The following PLOD2 variants were observed in gnomAD, a reference collection of about 807,000 sequenced individuals.
PLOD2 encodes the protein lysine hydroxylase 2.
In PLOD2, 65 loss-of-function variants were observed where a neutral mutation model predicts 101.0. The ratio of observed to expected loss-of-function variants is 0.64; its 90% CI spans 0.53 to 0.79. The LOEUF (loss-of-function observed/expected upper bound fraction) is 0.79. Among genes scored for constraint, PLOD2 ranks in the 30% least tolerant of loss-of-function variants. PLOD2 has a pLI of 0.00. For synonymous variants in PLOD2, 314 were observed against 302.9 expected, an observed-to-expected ratio of 1.04 and a Z score of -0.38; for missense variants, 909 against 914.6, an observed-to-expected ratio of 0.99 and a Z score of 0.08.
intron 1 of PLOD2, among the ~76,000 whole-genome samples, chr3:146,155,080 C>T (rs1227671097): frequency 2.6e-5 from 4 of 152,114 alleles, no homozygotes; most frequent in Non-Finnish European, 5.9e-5. Context: ...GTGACACAGT[C>T]GGGCAGTAAT....
At chr3:146,092,005 AT>A in intron 7 of PLOD2, 104 bp from the exon 8 acceptor site, 1 of 703,126 alleles carries the variant, frequency 1.4e-6, no homozygotes, top group Admixed American at 2.0e-5. Context: ...CAGCAGGTAT[AT>A]TCCTTTAGTA....
At chr3:146,073,897 T>C (rs1474714316) in intron 15 of PLOD2, among the ~76,000 whole-genome samples, 2 of 151,650 alleles carry the variant, frequency 1.3e-5, no homozygotes, top group Non-Finnish European at 3.0e-5. Context: ...TATATGTCTA[T>C]AGTAAATTAC....
chr3:146,102,894 CGTGTGTGTGTGTCT>C, intron 6 of PLOD2, 42 bp from the exon 7 acceptor site: 1 of 1,024,100 alleles, frequency 9.8e-7, no homozygotes, highest in Non-Finnish European at 1.5e-6. Flanking sequence ...ATTTAAAATA[CGTGTGTGTGTGTCT>C]GTATTCGTGT....
chr3:146,071,856 A>G (rs1374249726), intron 17 of PLOD2, among the ~76,000 whole-genome samples: 1 of 151,510 alleles, frequency 6.6e-6, no homozygotes, highest in African/African-American at 2.4e-5. Flanking sequence ...CCTCACTTCT[A>G]TTTGTAACAC....
At chr3:146,092,337 G>C (rs746437617) in intron 7 of PLOD2, among the ~76,000 whole-genome samples, 6 of 152,008 alleles carry the variant, frequency 3.9e-5, no homozygotes, top group Non-Finnish European at 8.8e-5. Flanking sequence ...TGGGGCAGTA[G>C]TAATGTGACC....
At chr3:146,089,509 A>G (rs552159429) in intron 8 of PLOD2, among the ~76,000 whole-genome samples, 1 of 151,748 alleles carries the variant, frequency 6.6e-6, no homozygotes, top group African/African-American at 2.4e-5. Context: ...CTTGTTTATA[A>G]TGTCTTACTA....
intron 1 of PLOD2, among the ~76,000 whole-genome samples, chr3:146,158,962 T>G (rs1470594386): frequency 6.6e-6 from 1 of 152,200 alleles, no homozygotes; most frequent in African/African-American, 2.4e-5. Context: ...ACGAATAAGC[T>G]TCTATTTAGT....
At chr3:146,088,515 T>C (rs1936862371) in intron 9 of PLOD2, 71 bp downstream of exon 9, 1 of 1,092,370 alleles carries the variant, frequency 9.2e-7, no homozygotes, top group Non-Finnish European at 1.4e-6. Flanking sequence ...TTATTTGACA[T>C]AAATAACAAA....
chr3:146,149,484 T>C (rs1050974590), intron 1 of PLOD2, among the ~76,000 whole-genome samples: 2 of 152,160 alleles, frequency 1.3e-5, no homozygotes, highest in Admixed American at 6.5e-5. Flanking sequence ...CCATAACCCA[T>C]GGAGCTGACA....
chr3:146,115,977 G>T (rs974380399), intron 3 of PLOD2, among the ~76,000 whole-genome samples: 2 of 152,078 alleles, frequency 1.3e-5, no homozygotes, highest in African/African-American at 4.8e-5. Flanking sequence ...AGAAGCAAAA[G>T]CTCCCATATA....
intron 1 of PLOD2, among the ~76,000 whole-genome samples, chr3:146,149,435 T>C (rs1448100619): frequency 6.6e-6 from 1 of 152,136 alleles, no homozygotes; most frequent in East Asian, 1.9e-4. Flanking sequence ...GTTTATCTTT[T>C]ATCTCAACAT....
chr3:146,135,690 G>T (rs544321233), intron 1 of PLOD2, among the ~76,000 whole-genome samples: 2 of 152,236 alleles, frequency 1.3e-5, no homozygotes, highest in Non-Finnish European at 2.9e-5. Context: ...TGCTTTAAGA[G>T]ATATTTTAAT....
At chr3:146,157,278 A>G (rs1459383850) in intron 1 of PLOD2, among the ~76,000 whole-genome samples, 1 of 152,210 alleles carries the variant, frequency 6.6e-6, no homozygotes, top group Non-Finnish European at 1.5e-5. Context: ...AAAAATGAAT[A>G]AAACTCAGCC....
chr3:146,073,437 T>C, intron 15 of PLOD2, 85 bp from the exon 16 acceptor site: 1 of 538,940 alleles, frequency 1.9e-6, no homozygotes, highest in Non-Finnish European at 3.3e-6. Context: ...TAGAAATTAT[T>C]CAACTTATAA....
intron 1 of PLOD2, among the ~76,000 whole-genome samples, chr3:146,142,821 T>C (rs1352346310): frequency 1.3e-5 from 2 of 152,140 alleles, no homozygotes; most frequent in Non-Finnish European, 2.9e-5. Flanking sequence ...TGTCAGCACA[T>C]TCCAATCTCT....
chr3:146,075,526 TA>T (rs1183452569), intron 15 of PLOD2, among the ~76,000 whole-genome samples: 1 of 147,856 alleles, frequency 6.8e-6, no homozygotes, highest in East Asian at 2.0e-4. Context: ...AAACAGATTT[TA>T]AAAGGAAATT....
At chr3:146,139,938 A>G (rs969381604) in intron 1 of PLOD2, among the ~76,000 whole-genome samples, 10 of 152,042 alleles carry the variant, frequency 6.6e-5, no homozygotes, top group African/African-American at 1.7e-4. Context: ...ACTAATTCCT[A>G]GCTACAACAC....
intron 10 of PLOD2, chr3:146,085,834 G>C (rs2108018699): frequency 6.5e-6 from 1 of 152,796 alleles, no homozygotes; most frequent in Middle Eastern, 3.4e-3. Flanking sequence ...ATGACATTTG[G>C]GTTATCAACT....
intron 7 of PLOD2, among the ~76,000 whole-genome samples, chr3:146,102,486 C>T (rs1937418191): frequency 6.6e-6 from 1 of 152,124 alleles, no homozygotes; most frequent in Non-Finnish European, 1.5e-5. Context: ...AGAAATGTGG[C>T]TCACTCCCAA....
Sources: allele counts gnomAD v4.1 joint callset (sites outside exome capture counted in the v4.1 genomes callset), GRCh38; gene constraint gnomAD v4.1.1; transcripts MANE v1.5; gene names NCBI Gene and HGNC (gene_info 2026-07-23, HGNC 2026-07-21).